The following EP300 variants were observed in gnomAD, a reference collection of about 807,000 sequenced individuals.
EP300 encodes EP300 lysine acetyltransferase, also known as histone acetyltransferase p300.
EP300 carries 31 observed loss-of-function variants against 264.0 expected under a neutral mutation model. The ratio of observed to expected loss-of-function variants is 0.12; its 90% CI spans 0.09 to 0.16. EP300 has a LOEUF of 0.16. Ranked by LOEUF, EP300 falls within the 10% of genes least tolerant of loss-of-function variation. The pLI is 1.00. For missense variants in EP300, 2,766 were observed against 3,052.9 expected (o/e 0.91, Z 2.21); for synonymous variants, 1,340 against 1,045.4 (o/e 1.28, Z -5.44).
intron 1 of EP300, 81 bp downstream of exon 1, chr22:41,093,179 T>TC: frequency 1.5e-6 from 2 of 1,367,950 alleles, no homozygotes; most frequent in Non-Finnish European, 2.1e-6. Context: ...ATTTTTTTTT[T>TC]CTTCCTCTCT....
In EP300 at chr22:41,145,407, A is replaced by T. The variant is rs139103696; in HGVS notation, c.2054-1332A>T. Among the ~76,000 whole-genome samples the T allele has an allele frequency of 4.8e-3, 738 of 152,338 alleles. 4 individuals are homozygous for T. The highest frequency in any genetic ancestry group is 0.02 in the Middle Eastern group (6 of 294). ...TTGAAATTTGTCTGAAGGGATGGAC[A>T]TCTCCTTAGAAGAGCAGCAGGTCTT... On this transcript the variant is annotated intron_variant, in intron 10 of 30. Coordinates refer to ENST00000263253, the MANE Select transcript of EP300 (RefSeq NM_001429.4).
intron 8 of EP300, among the ~76,000 whole-genome samples, chr22:41,138,782 G>A (rs984949398): frequency 2.0e-5 from 3 of 151,996 alleles, no homozygotes; most frequent in African/African-American, 4.8e-5. Flanking sequence ...TAGCAGGGTC[G>A]TCTTTACTGT....
At chr22:41,162,682 C>A in intron 20 of EP300, 41 bp from the exon 21 acceptor site, 1 of 1,522,612 alleles carries the variant, frequency 6.6e-7, no homozygotes, top group South Asian at 1.1e-5. Context: ...GATTGCTCAT[C>A]TCTATCACTT....
chr22:41,129,171 G>GCCCA (rs1569096920), intron 4 of EP300, among the ~76,000 whole-genome samples: 20 of 105,854 alleles, frequency 1.9e-4, no homozygotes, highest in Admixed American at 1.7e-3. Context: ...CCACCATGGC[G>GCCCA]GCTAATTTTT....
intron 1 of EP300, among the ~76,000 whole-genome samples, chr22:41,094,560 A>G (rs2058691734): frequency 6.6e-6 from 1 of 152,230 alleles, no homozygotes; most frequent in African/African-American, 2.4e-5. Flanking sequence ...TGTAGTCTCC[A>G]GGGATTTTTT....
intron 1 of EP300, among the ~76,000 whole-genome samples, chr22:41,102,733 T>C (rs1241908218): frequency 6.6e-6 from 1 of 152,114 alleles, no homozygotes; most frequent in Admixed American, 6.6e-5. Flanking sequence ...GTGGAAAGAT[T>C]TGAGGGAAGA....
intron 1 of EP300, among the ~76,000 whole-genome samples, chr22:41,096,915 G>A (rs752477227): frequency 1.6e-4 from 25 of 152,162 alleles, no homozygotes; most frequent in South Asian, 4.1e-4. Flanking sequence ...CACCATGCCC[G>A]GCTGTCAGCT....
chr22:41,151,773 G>A (rs2059046815), intron 14 of EP300, 60 bp from the exon 15 acceptor site: 3 of 1,540,066 alleles, frequency 1.9e-6, no homozygotes, highest in Non-Finnish European at 2.7e-6. Context: ...CTTACATTCT[G>A]ATTGTATCGT....
chr22:41,157,547 G>GGTC, intron 18 of EP300, 139 bp downstream of exon 18: 2 of 1,046,180 alleles, frequency 1.9e-6, no homozygotes, highest in South Asian at 2.9e-5. Flanking sequence ...TTTTTGACAG[G>GGTC]GTCTTATTCT....
chr22:41,137,966 A>G (rs913692366), intron 8 of EP300, among the ~76,000 whole-genome samples, 176 bp downstream of exon 8: 2 of 152,036 alleles, frequency 1.3e-5, no homozygotes, highest in East Asian at 1.9e-4. Context: ...TTCCTTCTCA[A>G]CCTTTCCCAC....
intron 12 of EP300, chr22:41,148,759 T>C (rs1350482678): frequency 1.6e-5 from 8 of 491,422 alleles, no homozygotes. Context: ...ATCCTTGTGC[T>C]AGGCATATTT....
At chr22:41,123,794 T>C (rs1042636011) in intron 2 of EP300, among the ~76,000 whole-genome samples, 1 of 152,242 alleles carries the variant, frequency 6.6e-6, no homozygotes, top group African/African-American at 2.4e-5. Context: ...TTTTGAATTA[T>C]TTTAAAATAA....
At chr22:41,146,123 A>G (rs2059009323) in intron 10 of EP300, among the ~76,000 whole-genome samples, 1 of 151,490 alleles carries the variant, frequency 6.6e-6, no homozygotes, top group African/African-American at 2.4e-5. Context: ...CCAGACTCAG[A>G]CTTTGTTAAA....
At chr22:41,100,267 C>A (rs546798691) in intron 1 of EP300, among the ~76,000 whole-genome samples, 2 of 152,198 alleles carry the variant, frequency 1.3e-5, no homozygotes, top group African/African-American at 4.8e-5. Flanking sequence ...TTTATTTCTG[C>A]AGTTTTCTTT....
intron 1 of EP300, among the ~76,000 whole-genome samples, chr22:41,107,455 C>T (rs1200840622): frequency 2.0e-5 from 3 of 150,284 alleles, no homozygotes; most frequent in African/African-American, 7.3e-5. Flanking sequence ...GTGAGAGATA[C>T]TAATATAGTA....
Position 41,155,078 on chromosome 22 carries a change from C to T in EP300, c.3226C>T (p.Arg1076Cys), listed in dbSNP as rs750235600. 2 of 1,613,786 alleles carry T rather than the reference C, an allele frequency of 1.2e-6. No homozygotes were observed. The highest frequency in any genetic ancestry group is 1.7e-6 in the Non-Finnish European group (2 of 1,179,834). Residue 1076 changes from arginine (R) to cysteine (C), a missense_variant, in exon 17 of 31, where the codon CGT (arginine) becomes TGT (cysteine). Transcript: ENST00000263253. ...TCAGGATCCAGAATCCCTTCCCTTT[C>T]GTCAACCTGTGGACCCTCAGCTTTT... ...YRQDPESLPFRQPVDPQLLGI... is the reference protein window; with the variant it reads ...YRQDPESLPFCQPVDPQLLGI...
chr22:41,142,454 C>T (rs1254956373), intron 10 of EP300, among the ~76,000 whole-genome samples: 4 of 152,106 alleles, frequency 2.6e-5, no homozygotes, highest in Non-Finnish European at 5.9e-5. Flanking sequence ...AAATAGTATA[C>T]ATGGAGGCTG....
At chr22:41,097,982 C>A (rs2058711124) in intron 1 of EP300, among the ~76,000 whole-genome samples, 1 of 150,292 alleles carries the variant, frequency 6.7e-6, no homozygotes, top group African/African-American at 2.4e-5. Context: ...GCGTGAGCCA[C>A]CGCGCCCAGC....
intron 2 of EP300, among the ~76,000 whole-genome samples, chr22:41,118,122 TAC>T (rs1286696927): frequency 4.6e-5 from 7 of 152,214 alleles, no homozygotes; most frequent in East Asian, 1.9e-4. Context: ...CTTATAAAAT[TAC>T]AGTTTTGAGA....
Sources: allele counts gnomAD v4.1 joint callset (sites outside exome capture counted in the v4.1 genomes callset), GRCh38; gene constraint gnomAD v4.1.1; transcripts MANE v1.5; gene names NCBI Gene and HGNC (gene_info 2026-07-23, HGNC 2026-07-21).